The following SRGAP2 variants were observed in gnomAD, a reference collection of about 807,000 sequenced individuals.
The protein encoded by SRGAP2 is SLIT-ROBO Rho GTPase activating protein 2, also known as SLIT-ROBO Rho GTPase-activating protein 2.
SRGAP2 carries 15 observed loss-of-function variants against 57.2 expected under a neutral mutation model. The ratio of observed to expected loss-of-function variants is 0.26; its 90% CI spans 0.18 to 0.40. The LOEUF is 0.40. Among genes scored for constraint, SRGAP2 ranks in the 10% least tolerant of loss-of-function variants. The probability of loss-of-function intolerance (pLI) is 1.00; values close to 1 mark genes in which losing one functional copy is unlikely to be tolerated. For synonymous variants in SRGAP2, 249 were observed against 248.0 expected, an observed-to-expected ratio of 1.00 and a Z score of -0.04; for missense variants, 520 against 669.6, an observed-to-expected ratio of 0.78 and a Z score of 2.47.
In SRGAP2 at chr1:206,430,221, C is replaced by G. The variant is rs1553367905; in HGVS notation, c.1554C>G (p.His518Gln). Residue 518 changes from histidine to glutamine, a missense_variant and splice_region_variant, in exon 14 of 23, where the codon CAC becomes CAG. His to Gln is a conservative substitution (Grantham distance 24). This residue lies in a region of SRGAP2 where 478 missense variants were observed against 373.6 expected (regional missense o/e 1.28). Transcript: ENST00000573034. ...VESCIRFISR[H>Q]GLQHEGIFRV... ...GCTGTATCCGGTTTATCAGCAGACA[C>G]GGTAAGCAGGATGACAGCCTTGTCC... The G allele has an allele frequency of 5.1e-6, 4 of 780,740 alleles. No individual in the cohort carries two copies. The highest frequency in any genetic ancestry group is 9.6e-6 in the Non-Finnish European group (4 of 417,884). The allele number at this position is 780,740 out of a possible 1,614,324, so 48.4% of individuals were successfully genotyped here. A position where few individuals can be genotyped will look rare whatever the true frequency, so the allele number is the denominator to read the frequency against.
chr1:206,440,293 C>T (rs1228129300), intron 17 of SRGAP2, among the ~76,000 whole-genome samples: 1 of 151,766 alleles, frequency 6.6e-6, no homozygotes, highest in Non-Finnish European at 1.5e-5. Context: ...AAGGAAACAG[C>T]CAATAACAGA....
chr1:206,256,782 G>A (rs1669211134), intron 2 of SRGAP2, among the ~76,000 whole-genome samples: 1 of 152,154 alleles, frequency 6.6e-6, no homozygotes, highest in Non-Finnish European at 1.5e-5. Context: ...TATAAGCATA[G>A]CCCTCACCCA....
intron 13 of SRGAP2, among the ~76,000 whole-genome samples, chr1:206,426,188 A>C (rs1353013501): frequency 1.3e-5 from 2 of 152,034 alleles, no homozygotes; most frequent in African/African-American, 2.4e-5. Flanking sequence ...CATGCAATCA[A>C]ATTTTTTAGC....
rs782371268 is a variant in SRGAP2 at position 206,458,666 on chromosome 1, C to T, written c.2551C>T (p.Arg851Trp). 16 of 771,686 alleles carry T rather than the reference C, an allele frequency of 2.1e-5. No homozygotes were observed. The highest frequency in any genetic ancestry group is 8.6e-5 in the Admixed American group (5 of 58,098). 47.8% of individuals were successfully genotyped at this position (771,686 alleles called of 1,614,324 possible). Residue 851 changes from arginine (R) to tryptophan (W), a missense_variant, in exon 22 of 23, where the codon CGG becomes TGG. Physicochemically the swap from Arg to Trp is moderately radical, Grantham distance 101. Around this residue, in one of 5 missense-constraint regions of SRGAP2, gnomAD observed 478 missense variants for 373.6 expected, o/e 1.28. Transcript: ENST00000573034. ...PESGSIRKTF[R>W]SDSHGLSSSL... ...ATCTGGGAGCATCCGGAAAACTTTT[C>T]GGAGTGACAGCCATGGGCTGAGCAG... is the stretch of plus-strand genomic sequence containing the variant.
At chr1:206,414,970 G>T (rs1659559328) in intron 10 of SRGAP2, among the ~76,000 whole-genome samples, 1 of 152,178 alleles carries the variant, frequency 6.6e-6, no homozygotes, top group African/African-American at 2.4e-5. Flanking sequence ...TGTCGTAATG[G>T]TTAAGAGCAC....
At chr1:206,268,618 A>G (rs1249566408) in intron 2 of SRGAP2, among the ~76,000 whole-genome samples, 36 of 151,022 alleles carry the variant, frequency 2.4e-4, no homozygotes, top group Admixed American at 1.4e-3. Flanking sequence ...TCACAAAGTT[A>G]ATAAATAATT....
chr1:206,277,166 T>C (rs1312179136), intron 2 of SRGAP2, among the ~76,000 whole-genome samples: 2 of 148,078 alleles, frequency 1.4e-5, no homozygotes, highest in African/African-American at 5.0e-5. Context: ...GATTTCTCCA[T>C]GTTGTTCAGG....
intron 13 of SRGAP2, among the ~76,000 whole-genome samples, 161 bp from the exon 14 acceptor site, chr1:206,430,001 T>G (rs1223533201): frequency 6.6e-6 from 1 of 152,194 alleles, no homozygotes; most frequent in Non-Finnish European, 1.5e-5. Context: ...TGTGGGTGGT[T>G]GTATTTTTGT....
chr1:206,407,631 A>AAGT (rs1553357864), intron 10 of SRGAP2: 1 of 149,802 alleles, frequency 6.7e-6, no homozygotes, highest in Non-Finnish European at 1.5e-5. Context: ...ATTCTTCTAA[A>AAGT]ACAACTTTTT....
intron 3 of SRGAP2, among the ~76,000 whole-genome samples, chr1:206,324,580 T>TGTGCCA (rs1673729171): frequency 6.6e-6 from 1 of 151,986 alleles, no homozygotes; most frequent in South Asian, 2.1e-4. Flanking sequence ...GGTGCACAAT[T>TGTGCCA]GTGCCAGTGC....
chr1:206,298,587 A>G (rs1388636769), intron 2 of SRGAP2, among the ~76,000 whole-genome samples: 2 of 152,090 alleles, frequency 1.3e-5, no homozygotes, highest in Admixed American at 6.5e-5. Flanking sequence ...TTGAGCAACA[A>G]TCATCACTAT....
intron 4 of SRGAP2, among the ~76,000 whole-genome samples, chr1:206,370,674 G>C (rs1383388825): frequency 3.9e-5 from 6 of 152,220 alleles, no homozygotes; most frequent in Admixed American, 3.9e-4. Flanking sequence ...TAGTGGTGGT[G>C]GTTGTACAAC....
intron 2 of SRGAP2, among the ~76,000 whole-genome samples, chr1:206,285,821 A>G (rs1670992983): frequency 6.6e-6 from 1 of 151,970 alleles, no homozygotes; most frequent in Non-Finnish European, 1.5e-5. Flanking sequence ...GTGCACCACC[A>G]TGCCTGGCTA....
chr1:206,276,909 T>A (rs1670444143), intron 2 of SRGAP2, among the ~76,000 whole-genome samples: 2 of 151,978 alleles, frequency 1.3e-5, no homozygotes, highest in South Asian at 4.1e-4. Context: ...AGTTCCAGGA[T>A]TGGATATCCA....
chr1:206,265,818 C>T (rs1553314369), intron 2 of SRGAP2, among the ~76,000 whole-genome samples: 1 of 148,616 alleles, frequency 6.7e-6, no homozygotes, highest in Non-Finnish European at 1.5e-5. Context: ...TTTTTCTCTC[C>T]AGCTTAATTT....
At position 206,452,173 on chromosome 1, in the gene SRGAP2, A is replaced by G. The variant is rs188270786; in HGVS notation, c.2180-1027A>G. On this transcript the variant is annotated intron_variant, in intron 19 of 22. Transcript: ENST00000573034. ...ATTGACTCTTCATAACAACTTCATG[A>G]AAAAGACACGATTATTAATCTCCAT... 7.9e-5 allele frequency among the ~76,000 whole-genome samples: 12 copies of G among 152,342 alleles called. No individual in the cohort carries two copies. The East Asian group carries it at 2.3e-3, about 29-fold the overall frequency.
chr1:206,439,277 A>G (rs1662056067), intron 16 of SRGAP2, among the ~76,000 whole-genome samples: 1 of 152,138 alleles, frequency 6.6e-6, no homozygotes, highest in Non-Finnish European at 1.5e-5. Context: ...TTGACCTATA[A>G]TTAACCTCTC....
chr1:206,268,097 A>T (rs1400564084), intron 2 of SRGAP2, among the ~76,000 whole-genome samples: 113 of 150,330 alleles, frequency 7.5e-4, no homozygotes, highest in Non-Finnish European at 1.2e-3. Context: ...TTTTTTTTTT[A>T]AATTATACTT....
At chr1:206,402,603 T>G (rs1658293004) in intron 8 of SRGAP2, among the ~76,000 whole-genome samples, 1 of 152,176 alleles carries the variant, frequency 6.6e-6, no homozygotes, top group Admixed American at 6.5e-5. Flanking sequence ...AGATACTGTT[T>G]TGCTGTCTCT....
Sources: allele counts gnomAD v4.1 joint callset (sites outside exome capture counted in the v4.1 genomes callset), GRCh38; gene constraint gnomAD v4.1.1; regional missense constraint gnomAD v4.1.1; transcripts MANE v1.5; gene names NCBI Gene and HGNC (gene_info 2026-07-23, HGNC 2026-07-21).